GRM7: variants seen among roughly 807,000 people sequenced by gnomAD.
The protein encoded by GRM7 is metabotropic glutamate receptor 7.
In GRM7, 35 loss-of-function variants were observed where a neutral mutation model predicts 84.5. The observed-to-expected ratio is 0.41, with a 90% CI of 0.32 to 0.55. The LOEUF (loss-of-function observed/expected upper bound fraction) is 0.55, where lower values mean the gene tolerates loss of function less well. Among genes scored for constraint, GRM7 ranks in the 20% least tolerant of loss-of-function variants. The pLI, the probability that GRM7 is intolerant of heterozygous loss-of-function variation, is 0.19. For synonymous variants in GRM7, 487 were observed against 455.1 expected (o/e 1.07, Z -0.89); for missense variants, 1,003 against 1,194.6 (o/e 0.84, Z 2.36).
chr3:7,330,348 G>T (rs1217788802), intron 4 of GRM7, among the ~76,000 whole-genome samples: 1 of 152,102 alleles, frequency 6.6e-6, no homozygotes, highest in African/African-American at 2.4e-5. Context: ...TTTCTGTGTT[G>T]ATTTACAGGG....
At chr3:6,929,086 C>T (rs540991760) in intron 1 of GRM7, among the ~76,000 whole-genome samples, 1 of 152,146 alleles carries the variant, frequency 6.6e-6, no homozygotes, top group Non-Finnish European at 1.5e-5. Context: ...CTGTTCCATT[C>T]AGTGTGATAT....
At chr3:7,004,606 A>G (rs1188575332) in intron 1 of GRM7, among the ~76,000 whole-genome samples, 2 of 152,184 alleles carry the variant, frequency 1.3e-5, no homozygotes, top group East Asian at 3.9e-4. Context: ...TTTAACGAGA[A>G]ACTTCACTCA....
intron 2 of GRM7, among the ~76,000 whole-genome samples, chr3:7,198,897 C>T (rs1412436468): frequency 1.3e-5 from 2 of 152,120 alleles, no homozygotes; most frequent in Non-Finnish European, 2.9e-5. Context: ...TGAGGTTGAA[C>T]AGAGGCAATG....
chr3:7,386,891 C>T (rs570134244), intron 4 of GRM7, among the ~76,000 whole-genome samples: 6 of 152,096 alleles, frequency 3.9e-5, no homozygotes, highest in Non-Finnish European at 5.9e-5. Context: ...ACCAATGGTG[C>T]GTAAGTGTTC....
intron 1 of GRM7, among the ~76,000 whole-genome samples, chr3:7,100,201 G>A (rs1048080179): frequency 4.6e-5 from 7 of 151,444 alleles, no homozygotes; most frequent in Non-Finnish European, 1.0e-4. Context: ...GAACTTTTAT[G>A]TTTCTTGTGC....
At chr3:7,072,731 T>G (rs1170336971) in intron 1 of GRM7, among the ~76,000 whole-genome samples, 1 of 152,150 alleles carries the variant, frequency 6.6e-6, no homozygotes. Flanking sequence ...CACTTCAAGG[T>G]ACTGAAGTTG....
At chr3:7,122,576 A>G (rs1693261899) in intron 1 of GRM7, among the ~76,000 whole-genome samples, 1 of 152,182 alleles carries the variant, frequency 6.6e-6, no homozygotes, top group African/African-American at 2.4e-5. Flanking sequence ...TACCAGGTTG[A>G]CTTTCTTTTG....
rs191586942 is a variant in GRM7 at position 7,665,916 on chromosome 3, A to G, written c.2452-14133A>G. 5.3e-4 allele frequency among the ~76,000 whole-genome samples: 81 copies of G among 152,298 alleles called. 1 individual carries two copies. Among genetic ancestry groups the G allele is most frequent in the Non-Finnish European group, 7.6e-4 (52 of 68,026 alleles). ...TACTCATTAGGACTTTTATATGTGC[A>G]CCATACTTTGGAATTATTATACTCC... is the stretch of plus-strand genomic sequence containing the variant. On this transcript the variant is annotated intron_variant, in intron 8 of 9. Coordinates refer to ENST00000357716, the MANE Select transcript of GRM7 (RefSeq NM_000844.4).
intron 1 of GRM7, among the ~76,000 whole-genome samples, chr3:7,013,611 T>A (rs1695460370): frequency 6.6e-6 from 1 of 152,118 alleles, no homozygotes; most frequent in African/African-American, 2.4e-5. Flanking sequence ...CTTATATGAG[T>A]TCGTTTGAAT....
At chr3:7,229,759 A>ATTTT (rs1200808989) in intron 2 of GRM7, among the ~76,000 whole-genome samples, 17 of 30,392 alleles carry the variant, frequency 5.6e-4, no homozygotes, top group African/African-American at 1.8e-3. Context: ...ATATATATAT[A>ATTTT]TTTTTTTTTT....
intron 1 of GRM7, among the ~76,000 whole-genome samples, chr3:7,078,096 C>T (rs1490089759): frequency 6.6e-6 from 1 of 152,176 alleles, no homozygotes; most frequent in Non-Finnish European, 1.5e-5. Flanking sequence ...CAGGCCATAG[C>T]TTGCTGAACC....
chr3:7,331,529 A>G (rs1701207869), intron 4 of GRM7, among the ~76,000 whole-genome samples: 1 of 152,212 alleles, frequency 6.6e-6, no homozygotes. Context: ...AGCATAATTC[A>G]ATTTTTCTTC....
chr3:7,679,284 C>T (rs543160469), intron 8 of GRM7, among the ~76,000 whole-genome samples: 2 of 152,078 alleles, frequency 1.3e-5, no homozygotes, highest in African/African-American at 4.8e-5. Flanking sequence ...ATGGACGGAA[C>T]CCTGGGAAGG....
At chr3:7,686,388 A>C (rs761228194) in intron 9 of GRM7, 3 of 1,547,390 alleles carry the variant, frequency 1.9e-6, no homozygotes, top group Non-Finnish European at 1.8e-6. Flanking sequence ...AGAGTGTACA[A>C]AAGTCTGTTA....
intron 1 of GRM7, among the ~76,000 whole-genome samples, chr3:6,935,187 A>G (rs1255685810): frequency 6.6e-6 from 1 of 152,222 alleles, no homozygotes; most frequent in Admixed American, 6.5e-5. Context: ...ATTGTTAGGA[A>G]CAATTAAATG....
chr3:7,443,875 T>C (rs1697394658), intron 5 of GRM7, among the ~76,000 whole-genome samples: 1 of 152,238 alleles, frequency 6.6e-6, no homozygotes, highest in African/African-American at 2.4e-5. Flanking sequence ...TGAAAATTTA[T>C]GTTTTTGTGA....
At chr3:7,612,025 C>T (rs1439760229) in intron 8 of GRM7, among the ~76,000 whole-genome samples, 3 of 152,094 alleles carry the variant, frequency 2.0e-5, no homozygotes, top group African/African-American at 7.2e-5. Flanking sequence ...GTCCTTTAAC[C>T]TCTCAGATTT....
chr3:6,908,350 T>C (rs933104819), intron 1 of GRM7, among the ~76,000 whole-genome samples: 1 of 152,214 alleles, frequency 6.6e-6, no homozygotes, highest in Non-Finnish European at 1.5e-5. Flanking sequence ...TTAGATGATG[T>C]CTTCTTTTCT....
chr3:7,698,913 G>A (rs1053984470), intron 9 of GRM7, among the ~76,000 whole-genome samples: 2 of 152,152 alleles, frequency 1.3e-5, no homozygotes, highest in African/African-American at 4.8e-5. Context: ...ACTCTATATA[G>A]AGAAAGATGT....
Sources: allele counts gnomAD v4.1 joint callset (sites outside exome capture counted in the v4.1 genomes callset), GRCh38; gene constraint gnomAD v4.1.1; transcripts MANE v1.5; gene names NCBI Gene and HGNC (gene_info 2026-07-23, HGNC 2026-07-21).